NEK1: variants seen among roughly 807,000 people sequenced by gnomAD.
NEK1 encodes the protein serine/threonine-protein kinase Nek1.
A neutral mutation model predicts 182.1 loss-of-function variants in NEK1; 137 were observed. The ratio of observed to expected loss-of-function variants is 0.75; its 90% CI spans 0.65 to 0.87. The LOEUF is 0.87. NEK1 is among the 40% of genes least tolerant of loss of function. The pLI is 0.00. For synonymous variants in NEK1, 513 were observed against 492.2 expected (o/e 1.04, Z -0.56); for missense variants, 1,391 against 1,494.4 (o/e 0.93, Z 1.14).
At chr4:169,556,910 G>A (rs917194163) in intron 16 of NEK1, among the ~76,000 whole-genome samples, 4 of 152,036 alleles carry the variant, frequency 2.6e-5, no homozygotes, top group Non-Finnish European at 4.4e-5. Flanking sequence ...GGTGGAAGAG[G>A]AAGGAAGTAT....
intron 18 of NEK1, among the ~76,000 whole-genome samples, chr4:169,546,382 G>A (rs1052287504): frequency 1.3e-5 from 2 of 152,160 alleles, no homozygotes; most frequent in Admixed American, 6.5e-5. Context: ...TGCATTTGCT[G>A]AGGAGTGTTT....
At position 169,599,161 on chromosome 4, in the gene NEK1, T is replaced by A. The variant is rs754427159; in HGVS notation, c.251A>T (p.Glu84Val). 3.7e-6 allele frequency: 6 copies of A among 1,613,154 alleles called. No homozygotes were observed. Among genetic ancestry groups the A allele is most frequent in the Non-Finnish European group, 3.4e-6 (4 of 1,179,594 alleles). The change falls in exon 5 of 36, where the codon GAG becomes GTG. Residue 84 changes from glutamate to valine, a missense_variant. Transcript: ENST00000507142. Reference sequence around the variant, plus strand: ...TATTCGCTTAAACAGATCCCCTCCCTCACAGTAATCCATTACTATGTAGAG... The same window carrying A: ...TATTCGCTTAAACAGATCCCCTCCCACACAGTAATCCATTACTATGTAGAG... ...GSLYIVMDYC[E>V]GGDLFKRINA...
Position 169,537,872 on chromosome 4 carries a change from T to C in NEK1, c.1602A>G (p.Val534=), listed in dbSNP as rs755252826. ...GQLAVERAKQ[V]EEFLQRKREA... is the part of the protein sequence containing the mutation. ...CCCGTTTTCGCTGCAGGAACTCTTC[T>C]ACTTGTTTAGCTCTTTCTACAGCTA... Residue 534 remains valine, a synonymous_variant, in exon 19 of 36, where the codon GTA becomes GTG. Coordinates refer to ENST00000507142, the MANE Select transcript of NEK1 (RefSeq NM_001199397.3). The C allele has an allele frequency of 1.9e-6, 3 of 1,611,204 alleles. No individual in the cohort carries two copies. The highest frequency in any genetic ancestry group is 2.2e-5 in the South Asian group (2 of 90,508).
chr4:169,460,092 T>C (rs1187717141), intron 27 of NEK1, among the ~76,000 whole-genome samples: 2 of 152,092 alleles, frequency 1.3e-5, no homozygotes, highest in Non-Finnish European at 2.9e-5. Flanking sequence ...GTGTGGGCTA[T>C]TGATGGTGGG....
At chr4:169,567,654 A>G (rs1294468302) in intron 12 of NEK1, among the ~76,000 whole-genome samples, 1 of 152,204 alleles carries the variant, frequency 6.6e-6, no homozygotes, top group East Asian at 1.9e-4. Context: ...TCGGCCTCCC[A>G]AAGTGCTGGG....
chr4:169,411,606 GTGAGTCACTGCACA>G (rs1733693212), intron 31 of NEK1, among the ~76,000 whole-genome samples: 5 of 152,130 alleles, frequency 3.3e-5, no homozygotes, highest in African/African-American at 1.2e-4. Flanking sequence ...GATTACAGGC[GTGAGTCACTGCACA>G]CCGCCATGAC....
At position 169,479,400 on chromosome 4, in the gene NEK1, T is replaced by TA. The variant is rs1221720999; in HGVS notation, c.2139+2dup. On this transcript the variant is annotated splice_region_variant and intron_variant, in intron 24 of 35. Transcript: ENST00000507142. ...GAGGAGTTCTGAATCTTAGGAAACT[T>TA]ACCACGCCAACTTCTTTCAAAGCTG... 6.2e-7 allele frequency: 1 copy of TA among 1,607,300 alleles called. No individual in the cohort carries two copies. The highest frequency in any genetic ancestry group is 1.3e-5 in the African/African-American group (1 of 74,834).
At chr4:169,490,456 A>G (rs181912220) in intron 23 of NEK1, among the ~76,000 whole-genome samples, 3 of 152,322 alleles carry the variant, frequency 2.0e-5, no homozygotes, top group South Asian at 4.1e-4. Flanking sequence ...CATCAAAGGA[A>G]TAATTCTCCA....
chr4:169,605,687 T>C (rs1771219724), intron 2 of NEK1, among the ~76,000 whole-genome samples: 1 of 152,340 alleles, frequency 6.6e-6, no homozygotes. Context: ...TACTTCAGTA[T>C]TGTAATAAAC....
chr4:169,450,314 A>C (rs1367732571), intron 27 of NEK1, among the ~76,000 whole-genome samples: 1 of 152,240 alleles, frequency 6.6e-6, no homozygotes, highest in Non-Finnish European at 1.5e-5. Flanking sequence ...ATTCAAATTC[A>C]GGAAATACAG....
chr4:169,579,796 A>C (rs1023657661), intron 11 of NEK1, among the ~76,000 whole-genome samples: 6 of 152,010 alleles, frequency 3.9e-5, no homozygotes, highest in Non-Finnish European at 8.8e-5. Flanking sequence ...TCAAAAAAAA[A>C]AAAAAAGACG....
rs1176074408 is a variant in NEK1, at chr4:169,499,127, C to A, written c.2007+7910G>T. ...TTCTTTTTATTCTTTTTTCTCTAAACTCTTCTCGCTTCATTTCATTCATTT... is the reference window on the plus strand; with the variant it reads ...TTCTTTTTATTCTTTTTTCTCTAAAATCTTCTCGCTTCATTTCATTCATTT... On this transcript the variant is annotated intron_variant, in intron 23 of 35. Coordinates refer to ENST00000507142, the MANE Select transcript of NEK1 (RefSeq NM_001199397.3). Among the ~76,000 whole-genome samples, 14 of 152,232 alleles carry A rather than the reference C, an allele frequency of 9.2e-5. No individual in the cohort carries two copies. The South Asian group carries it at 2.5e-3, about 27-fold the overall frequency.
At chr4:169,445,901 C>A (rs927343282) in intron 27 of NEK1, among the ~76,000 whole-genome samples, 2 of 147,520 alleles carry the variant, frequency 1.4e-5, no homozygotes, top group Admixed American at 6.7e-5. Flanking sequence ...CAAAATGGAC[C>A]ATTATTCAGC....
intron 16 of NEK1, among the ~76,000 whole-genome samples, chr4:169,557,114 C>T (rs1762277022): frequency 6.6e-6 from 1 of 151,752 alleles, no homozygotes; most frequent in African/African-American, 2.4e-5. Context: ...CAATATTATG[C>T]ATGGTAAGCA....
intron 19 of NEK1, among the ~76,000 whole-genome samples, chr4:169,535,513 T>C (rs550813203): frequency 5.4e-4 from 82 of 151,302 alleles, no homozygotes; most frequent in Non-Finnish European, 1.0e-3. Context: ...GTTAGTAGTG[T>C]ACAAACTGGT....
At chr4:169,457,308 A>G (rs757331021) in intron 27 of NEK1, among the ~76,000 whole-genome samples, 95 of 152,182 alleles carry the variant, frequency 6.2e-4, no homozygotes, top group Non-Finnish European at 1.1e-3. Context: ...CTGTATCAAA[A>G]TACCTCATGT....
intron 18 of NEK1, among the ~76,000 whole-genome samples, chr4:169,540,052 T>C (rs1056442355): frequency 6.6e-6 from 1 of 152,180 alleles, no homozygotes; most frequent in Non-Finnish European, 1.5e-5. Context: ...TATGTATTTA[T>C]ATGATTTATA....
chr4:169,600,318 TA>T (rs916351617), intron 4 of NEK1, among the ~76,000 whole-genome samples: 2 of 151,762 alleles, frequency 1.3e-5, no homozygotes, highest in Non-Finnish European at 2.9e-5. Context: ...GCTTCCAGAG[TA>T]GGTGGAACCG....
rs377625520 is a variant in NEK1, at chr4:169,555,677, A to C, written c.1562+43T>G. On this transcript the variant is annotated intron_variant, in intron 18 of 35. Transcript: ENST00000507142. ...ACTAAGCTATGTATGACAAACGACA[A>C]AATTACACACATGGATGAATTCATG... 10 of 1,612,942 alleles carry C rather than the reference A, an allele frequency of 6.2e-6. No homozygotes were observed. The African/African-American group carries it at 6.7e-5, about 11-fold the overall frequency.
Sources: gnomAD v4.1 joint callset for allele counts (sites outside exome capture counted in the v4.1 genomes callset) on GRCh38, gnomAD v4.1.1 for gene constraint, MANE v1.5 for transcripts, NCBI Gene and HGNC (gene_info 2026-07-23, HGNC 2026-07-21) for gene names.